CCDC85C: variants seen among roughly 807,000 people sequenced by gnomAD.
CCDC85C encodes the protein coiled-coil domain-containing protein 85C.
CCDC85C carries 18 observed loss-of-function variants against 38.3 expected under a neutral mutation model. That is an observed-to-expected ratio of 0.47 (90% CI 0.33 to 0.70). The LOEUF (loss-of-function observed/expected upper bound fraction) is 0.70. CCDC85C is among the 30% of genes least tolerant of loss of function. The pLI is 0.03. For synonymous variants in CCDC85C, 264 were observed against 293.8 expected, an observed-to-expected ratio of 0.90 and a Z score of 1.04; for missense variants, 566 against 621.2, an observed-to-expected ratio of 0.91 and a Z score of 0.94.
chr14:99,568,246 C>CTTT lies in CCDC85C; in HGVS notation c.794-32161_794-32159dup, dbSNP rs776784723. Among the ~76,000 whole-genome samples, 1,116 of 114,330 alleles carry CTTT rather than the reference C, an allele frequency of 9.8e-3. 192 individuals carry two copies. Among genetic ancestry groups the CTTT allele is most frequent in the African/African-American group, 0.037 (971 of 26,264 alleles). 75.0% of individuals were successfully genotyped at this position (114,330 alleles called of 152,430 possible). The stretch of plus-strand genomic sequence containing the variant: ...AGACACTCTCTGGAGGCCACCTGCC[C>CTTT]TTTATTTTTTTTTTTTTTTTTTTTG... On this transcript the variant is annotated intron_variant, in intron 1 of 5. Coordinates refer to ENST00000380243, the MANE Select transcript of CCDC85C (RefSeq NM_001144995.2).
At chr14:99,601,601 C>T (rs918132160) in intron 1 of CCDC85C, among the ~76,000 whole-genome samples, 17 of 152,168 alleles carry the variant, frequency 1.1e-4, no homozygotes, top group African/African-American at 3.4e-4. Flanking sequence ...TTAGGGAAAC[C>T]GAGGCCCAGA....
intron 1 of CCDC85C, among the ~76,000 whole-genome samples, chr14:99,602,275 A>G (rs1039420393): frequency 3.0e-4 from 46 of 152,228 alleles, no homozygotes; most frequent in Admixed American, 2.8e-3. Flanking sequence ...CACAGCCCCA[A>G]GCTGGGGCCA....
In CCDC85C at chr14:99,510,008, C is replaced by A; in HGVS notation, c.*5238G>T. ...GGGGAGACATCTGGTGGCATCAGGA[C>A]ATGGGGCATGGGCCCATGCGTTGGG... On this transcript the variant is annotated 3_prime_UTR_variant, in exon 6 of 6. Coordinates refer to ENST00000380243, the MANE Select transcript of CCDC85C (RefSeq NM_001144995.2). 1.4e-6 allele frequency: 1 copy of A among 723,604 alleles called. No homozygotes were observed. Among genetic ancestry groups the A allele is most frequent in the Non-Finnish European group, 2.2e-6 (1 of 448,084 alleles). 44.8% of individuals were successfully genotyped at this position (723,604 alleles called of 1,614,324 possible). A position where few individuals can be genotyped will look rare whatever the true frequency, so the allele number is the denominator to read the frequency against.
intron 3 of CCDC85C, among the ~76,000 whole-genome samples, chr14:99,518,998 C>T (rs1021324992): frequency 1.3e-5 from 2 of 151,962 alleles, no homozygotes; most frequent in Non-Finnish European, 2.9e-5. Context: ...GGGCCACACA[C>T]ACCTCCCACT....
chr14:99,536,101 A>G lies in CCDC85C; in HGVS notation c.794-13T>C. The G allele has an allele frequency of 2.0e-6, 3 of 1,538,176 alleles. No homozygotes were observed. On this transcript the variant is annotated splice_polypyrimidine_tract_variant and intron_variant, in intron 1 of 5. Coordinates refer to ENST00000380243, the MANE Select transcript of CCDC85C (RefSeq NM_001144995.2). The stretch of plus-strand genomic sequence containing the variant: ...GTGGATGAGGGATCTGGAAGGACAC[A>G]AGAGGAAGGGGGACATTAGCCTCCA...
Position 99,502,479 on chromosome 14 carries a change from G to T in CCDC85C, c.*12767C>A, listed in dbSNP as rs1257466374. On this transcript the variant is annotated 3_prime_UTR_variant, in exon 6 of 6. Transcript: ENST00000380243. The stretch of plus-strand genomic sequence containing the variant: ...AATGGATTTTCCCAGATAGACATAT[G>T]TGAGCAATATTTCAGAAGCATCATT... 2.1e-6 allele frequency: 3 copies of T among 1,461,436 alleles called. No individual in the cohort carries two copies. The highest frequency in any genetic ancestry group is 2.7e-6 in the Non-Finnish European group (3 of 1,096,308). The allele number at this position is 1,461,436 out of a possible 1,614,324, so 90.5% of individuals were successfully genotyped here. A position where few individuals can be genotyped will look rare whatever the true frequency, so the allele number is the denominator to read the frequency against.
chr14:99,534,548 T>C, intron 2 of CCDC85C: 1 of 691,576 alleles, frequency 1.4e-6, no homozygotes, highest in Non-Finnish European at 2.6e-6. Flanking sequence ...TGCAGAGCAG[T>C]AGCCCCTGCC....
At chr14:99,556,910 GA>G (rs34139658) in intron 1 of CCDC85C, among the ~76,000 whole-genome samples, 22 of 145,940 alleles carry the variant, frequency 1.5e-4, no homozygotes, top group Middle Eastern at 3.5e-3. Flanking sequence ...AAATACTTCA[GA>G]AAAAAAAAAA....
chr14:99,579,307 G>A (rs1483143938), intron 1 of CCDC85C, among the ~76,000 whole-genome samples: 1 of 152,264 alleles, frequency 6.6e-6, no homozygotes, highest in Non-Finnish European at 1.5e-5. Context: ...CCTGGACGCA[G>A]TGTCCCTGTG....
In CCDC85C at chr14:99,510,346, G is replaced by C. The variant is rs1897095990; in HGVS notation, c.*4900C>G. The C allele has an allele frequency of 1.5e-6, 2 of 1,326,966 alleles. No homozygotes were observed. Among genetic ancestry groups the C allele is most frequent in the Non-Finnish European group, 2.0e-6 (2 of 978,422 alleles). The allele number at this position is 1,326,966 out of a possible 1,614,324, so 82.2% of individuals were successfully genotyped here. A position where few individuals can be genotyped will look rare whatever the true frequency, so the allele number is the denominator to read the frequency against. ...TACATGACCGGGATGTCCACCACCA[G>C]CTCCTACATGTCTGGAGAGGGCTAC... On this transcript the variant is annotated 3_prime_UTR_variant, in exon 6 of 6. Transcript: ENST00000380243.
Position 99,522,378 on chromosome 14 carries a change from C to T in CCDC85C, c.868-138G>A, listed in dbSNP as rs1444171482. 6 of 601,656 alleles carry T rather than the reference C, an allele frequency of 1.0e-5. No homozygotes were observed. The Admixed American group carries it at 1.2e-4, about 12-fold the overall frequency. 37.3% of individuals were successfully genotyped at this position (601,656 alleles called of 1,614,324 possible). On this transcript the variant is annotated intron_variant, in intron 2 of 5. Transcript: ENST00000380243. ...GACCCCTCCACCCTCCCCTCCACAC[C>T]GCTTATCCATCCCCCGAGCCGGGAT...
Position 99,502,806 on chromosome 14 carries a change from C to G in CCDC85C, c.*12440G>C, listed in dbSNP as rs1375078716. 6.2e-7 allele frequency: 1 copy of G among 1,613,892 alleles called. No individual in the cohort carries two copies. Among genetic ancestry groups the G allele is most frequent in the Middle Eastern group, 1.6e-4 (1 of 6,062 alleles). On this transcript the variant is annotated 3_prime_UTR_variant, in exon 6 of 6. Coordinates refer to ENST00000380243, the MANE Select transcript of CCDC85C (RefSeq NM_001144995.2). ...CCCCATCAGCTGCAACAGCCCCCAT[C>G]TCTTCAGCCTACACCACAAGTGCCG...
chr14:99,543,244 T>C (rs924400949), intron 1 of CCDC85C, among the ~76,000 whole-genome samples: 1 of 152,148 alleles, frequency 6.6e-6, no homozygotes, highest in African/African-American at 2.4e-5. Context: ...GAGCTAACTC[T>C]GCTCCTCCAA....
At position 99,535,072 on chromosome 14, in the gene CCDC85C, G is replaced by A. The variant is rs953212858; in HGVS notation, c.867+943C>T. On this transcript the variant is annotated intron_variant, in intron 2 of 5. Coordinates refer to ENST00000380243, the MANE Select transcript of CCDC85C (RefSeq NM_001144995.2). The surrounding 1 kb of genome is among the most constrained non-coding windows in gnomAD (Gnocchi z 5.5). ...GAGCTGTGCTCCCTGCTGGGGCCGT[G>A]AGCCTCCCAGCAGCCGCCCAGTGGG... is the stretch of plus-strand genomic sequence containing the variant. 9.1e-6 allele frequency: 2 copies of A among 218,880 alleles called. No individual in the cohort carries two copies. The highest frequency in any genetic ancestry group is 4.7e-5 in the African/African-American group (2 of 42,902). The allele number at this position is 218,880 out of a possible 1,614,324, so 13.6% of individuals were successfully genotyped here.
At chr14:99,538,090 G>A (rs1392414171) in intron 1 of CCDC85C, among the ~76,000 whole-genome samples, 1 of 152,172 alleles carries the variant, frequency 6.6e-6, no homozygotes, top group Non-Finnish European at 1.5e-5. Flanking sequence ...TCGGGTGGGG[G>A]GTACCCACTG....
At chr14:99,532,671 G>A (rs971010529) in intron 2 of CCDC85C, among the ~76,000 whole-genome samples, 2 of 152,056 alleles carry the variant, frequency 1.3e-5, no homozygotes, top group African/African-American at 2.4e-5. Context: ...CCCTCACCCC[G>A]TCTCTCTGTC....
chr14:99,560,636 G>A (rs192415421), intron 1 of CCDC85C, among the ~76,000 whole-genome samples: 1 of 152,372 alleles, frequency 6.6e-6, no homozygotes, highest in Non-Finnish European at 1.5e-5. Context: ...CACTGGAGGA[G>A]GGTGCAGAGT....
At chr14:99,602,553 T>TAC (rs1336540786) in intron 1 of CCDC85C, among the ~76,000 whole-genome samples, 1 of 152,166 alleles carries the variant, frequency 6.6e-6, no homozygotes, top group Admixed American at 6.5e-5. Flanking sequence ...GGGAAAGTCT[T>TAC]AGAGTCTCGG....
intron 2 of CCDC85C, among the ~76,000 whole-genome samples, chr14:99,527,521 C>T (rs900617654): frequency 2.6e-5 from 4 of 152,170 alleles, no homozygotes; most frequent in Non-Finnish European, 4.4e-5. Context: ...GCCTAAAGGG[C>T]CTGGCTCCAC....
Sources: allele counts gnomAD v4.1 joint callset (sites outside exome capture counted in the v4.1 genomes callset), GRCh38; gene constraint gnomAD v4.1.1; non-coding constraint Gnocchi (gnomAD v3.1); transcripts MANE v1.5; gene names NCBI Gene and HGNC (gene_info 2026-07-23, HGNC 2026-07-21).